CDH8: variants seen among roughly 807,000 people sequenced by gnomAD.
CDH8 encodes cadherin 8, also known as cadherin-8.
In CDH8, 17 loss-of-function variants were observed where a neutral mutation model predicts 68.1. The observed-to-expected ratio is 0.25, with a 90% CI of 0.17 to 0.37. The LOEUF is 0.37. Among genes scored for constraint, CDH8 ranks in the 10% least tolerant of loss-of-function variants. The probability of loss-of-function intolerance (pLI) is 1.00; values close to 1 mark genes in which losing one functional copy is unlikely to be tolerated. For synonymous variants in CDH8, 372 were observed against 365.1 expected (o/e 1.02, Z -0.21); for missense variants, 763 against 999.3 (o/e 0.76, Z 3.19).
intron 6 of CDH8, among the ~76,000 whole-genome samples, chr16:61,819,543 C>G (rs984367309): frequency 6.6e-6 from 1 of 151,910 alleles, no homozygotes; most frequent in Non-Finnish European, 1.5e-5. Flanking sequence ...TAAACTCAAC[C>G]AGGATTTTGG....
intron 3 of CDH8, among the ~76,000 whole-genome samples, chr16:61,898,946 A>G (rs1963918110): frequency 6.6e-6 from 1 of 151,926 alleles, no homozygotes; most frequent in Admixed American, 6.6e-5. Context: ...CTGCTATGCC[A>G]TTTTGGGATA....
At chr16:61,902,621 A>G (rs1462467457) in intron 2 of CDH8, among the ~76,000 whole-genome samples, 1 of 151,594 alleles carries the variant, frequency 6.6e-6, no homozygotes, top group Non-Finnish European at 1.5e-5. Context: ...AACTCCTAGA[A>G]ATTCAAAAGA....
intron 2 of CDH8, among the ~76,000 whole-genome samples, chr16:61,919,344 G>C (rs1429514740): frequency 6.8e-6 from 1 of 148,130 alleles, no homozygotes; most frequent in Non-Finnish European, 1.5e-5. Context: ...AGAGAAGAAG[G>C]CTTCAGACGA....
chr16:61,822,399 A>G (rs1468726835), intron 5 of CDH8, among the ~76,000 whole-genome samples: 2 of 151,144 alleles, frequency 1.3e-5, no homozygotes, highest in African/African-American at 4.9e-5. Flanking sequence ...CCTTGCAACC[A>G]CAACAAGGGA....
chr16:61,744,467 T>C (rs1959962267), intron 8 of CDH8, among the ~76,000 whole-genome samples: 1 of 152,056 alleles, frequency 6.6e-6, no homozygotes, highest in African/African-American at 2.4e-5. Flanking sequence ...TTTATCCTTA[T>C]ATTACAGCTT....
intron 8 of CDH8, among the ~76,000 whole-genome samples, chr16:61,771,755 A>T (rs1355674750): frequency 6.6e-6 from 1 of 152,002 alleles, no homozygotes; most frequent in Non-Finnish European, 1.5e-5. Flanking sequence ...AGTGAGTTAC[A>T]GCTTTTTATT....
chr16:61,833,398 C>T (rs1463340624), intron 4 of CDH8, among the ~76,000 whole-genome samples: 1 of 151,538 alleles, frequency 6.6e-6, no homozygotes, highest in Non-Finnish European at 1.5e-5. Context: ...TAAATGTATA[C>T]ACACATACAT....
At chr16:61,817,312 C>CCA (rs3833039) in intron 7 of CDH8, among the ~76,000 whole-genome samples, 167 bp downstream of exon 7, 10,326 of 148,098 alleles carry the variant, frequency 0.07, 654 homozygotes, top group African/African-American at 0.18. Flanking sequence ...CGTGTACACA[C>CCA]CACACACACA....
intron 8 of CDH8, among the ~76,000 whole-genome samples, chr16:61,761,676 T>C (rs955799679): frequency 6.6e-5 from 10 of 152,176 alleles, no homozygotes; most frequent in Non-Finnish European, 2.9e-5. Flanking sequence ...GTGGGTTATG[T>C]ACTGCATATT....
Position 61,652,719 on chromosome 16 carries a change from G to T in CDH8, c.*889C>A. 1.6e-6 allele frequency: 2 copies of T among 1,270,124 alleles called. No individual in the cohort carries two copies. Among genetic ancestry groups the T allele is most frequent in the Non-Finnish European group, 2.0e-6 (2 of 1,006,770 alleles). The allele number at this position is 1,270,124 out of a possible 1,614,324, so 78.7% of individuals were successfully genotyped here. Reference sequence around the variant, plus strand: ...ATATCCCCTTAATCTATAGATTACCGACCTTAATAAATAAAAGCATTAATG... The same window carrying T: ...ATATCCCCTTAATCTATAGATTACCTACCTTAATAAATAAAAGCATTAATG... On this transcript the variant is annotated 3_prime_UTR_variant, in exon 12 of 12. Coordinates refer to ENST00000577390, the MANE Select transcript of CDH8 (RefSeq NM_001796.5).
intron 8 of CDH8, among the ~76,000 whole-genome samples, chr16:61,732,809 G>GTA (rs1318336180): frequency 6.6e-6 from 1 of 151,516 alleles, no homozygotes; most frequent in East Asian, 1.9e-4. Flanking sequence ...TTATATTATC[G>GTA]TATATAATAG....
chr16:61,698,039 C>T (rs1964360372), intron 10 of CDH8, among the ~76,000 whole-genome samples: 2 of 152,186 alleles, frequency 1.3e-5, no homozygotes, highest in Admixed American at 1.3e-4. Context: ...ACACTTCTAA[C>T]ATATAAGTTT....
At chr16:61,666,626 G>A (rs1476044522) in intron 10 of CDH8, among the ~76,000 whole-genome samples, 1 of 93,052 alleles carries the variant, frequency 1.1e-5, no homozygotes, top group Non-Finnish European at 2.0e-5. Context: ...GAGAAGATCA[G>A]TAGGTATTGT....
intron 8 of CDH8, among the ~76,000 whole-genome samples, chr16:61,740,765 A>T (rs1030098872): frequency 6.6e-6 from 1 of 152,174 alleles, no homozygotes; most frequent in African/African-American, 2.4e-5. Flanking sequence ...GTATGAATAT[A>T]CCACAATTAT....
At chr16:61,919,112 T>C (rs1964312915) in intron 2 of CDH8, among the ~76,000 whole-genome samples, 1 of 145,152 alleles carries the variant, frequency 6.9e-6, no homozygotes, top group Admixed American at 7.2e-5. Flanking sequence ...GTCCTGTCTG[T>C]TAGAAGGAAA....
chr16:61,876,226 T>A (rs1259378276), intron 3 of CDH8, among the ~76,000 whole-genome samples: 3 of 152,162 alleles, frequency 2.0e-5, no homozygotes, highest in Non-Finnish European at 4.4e-5. Flanking sequence ...TGCAATATAG[T>A]CTTCATGCTA....
At chr16:61,893,251 A>G (rs747121132) in intron 3 of CDH8, among the ~76,000 whole-genome samples, 8 of 152,100 alleles carry the variant, frequency 5.3e-5, no homozygotes, top group Non-Finnish European at 1.0e-4. Context: ...ATCGACACCG[A>G]TCATTGGACT....
intron 2 of CDH8, among the ~76,000 whole-genome samples, chr16:61,920,046 C>T (rs1425288405): frequency 1.3e-5 from 2 of 149,896 alleles, no homozygotes; most frequent in African/African-American, 4.9e-5. Context: ...AACTGGCTAG[C>T]CATATGTAGA....
chr16:61,889,727 G>T (rs1963740804), intron 3 of CDH8, among the ~76,000 whole-genome samples: 1 of 152,130 alleles, frequency 6.6e-6, no homozygotes, highest in South Asian at 2.1e-4. Flanking sequence ...CTAATTTACA[G>T]AACTCTAGAC....
Sources: allele counts gnomAD v4.1 joint callset (sites outside exome capture counted in the v4.1 genomes callset), GRCh38; gene constraint gnomAD v4.1.1; transcripts MANE v1.5; gene names NCBI Gene and HGNC (gene_info 2026-07-23, HGNC 2026-07-21).